PTPRT: variants seen among roughly 807,000 people sequenced by gnomAD.
PTPRT encodes receptor-type tyrosine-protein phosphatase T.
A neutral mutation model predicts 176.8 loss-of-function variants in PTPRT; 56 were observed. The observed-to-expected ratio is 0.32, with a 90% CI of 0.26 to 0.40. The LOEUF is 0.40. PTPRT is among the 10% of genes least tolerant of loss of function. The probability of loss-of-function intolerance (pLI) is 1.00; values close to 1 mark genes in which losing one functional copy is unlikely to be tolerated. For synonymous variants in PTPRT, 783 were observed against 739.0 expected (o/e 1.06, Z -0.96); for missense variants, 1,540 against 1,908.2 (o/e 0.81, Z 3.60).
chr20:42,894,790 C>T (rs2079264596), intron 1 of PTPRT, among the ~76,000 whole-genome samples: 1 of 152,212 alleles, frequency 6.6e-6, no homozygotes, highest in Non-Finnish European at 1.5e-5. Context: ...CCAATCTGCA[C>T]TTCTGGAGGA....
At chr20:42,609,699 G>A (rs34148893) in intron 7 of PTPRT, among the ~76,000 whole-genome samples, 3,909 of 152,250 alleles carry the variant, frequency 0.026, 65 homozygotes, top group Non-Finnish European at 0.039. Flanking sequence ...TCTTCCTCTA[G>A]GAGAAGGGCA....
chr20:42,510,069 T>C (rs1188335175), intron 7 of PTPRT, among the ~76,000 whole-genome samples: 1 of 152,118 alleles, frequency 6.6e-6, no homozygotes, highest in African/African-American at 2.4e-5. Context: ...ATACATGGCA[T>C]AGTGCTGGGC....
chr20:42,771,399 C>A, intron 5 of PTPRT, 36 bp downstream of exon 5: 1 of 1,551,106 alleles, frequency 6.4e-7, no homozygotes, highest in Non-Finnish European at 8.9e-7. Context: ...CTTTCTCATC[C>A]TAACGAGTCT....
chr20:42,301,874 G>T (rs962293881), intron 12 of PTPRT, among the ~76,000 whole-genome samples: 5 of 152,136 alleles, frequency 3.3e-5, no homozygotes, highest in Non-Finnish European at 7.4e-5. Context: ...TTTGACGATG[G>T]GTTGATGATC....
intron 9 of PTPRT, among the ~76,000 whole-genome samples, chr20:42,394,030 G>A (rs1274480019): frequency 6.7e-6 from 1 of 149,624 alleles, no homozygotes; most frequent in Non-Finnish European, 1.5e-5. Context: ...AGTCTATGAA[G>A]ATGTGACAGG....
intron 25 of PTPRT, among the ~76,000 whole-genome samples, chr20:42,103,134 C>T (rs1986108214): frequency 6.6e-6 from 1 of 152,206 alleles, no homozygotes; most frequent in Admixed American, 6.5e-5. Context: ...TCCTGTTGCC[C>T]AGGTGTAATT....
intron 1 of PTPRT, among the ~76,000 whole-genome samples, chr20:42,898,819 G>T (rs938426891): frequency 6.6e-6 from 1 of 152,094 alleles, no homozygotes; most frequent in Non-Finnish European, 1.5e-5. Context: ...AAAGAAGGAG[G>T]CCCTCTGTTG....
intron 6 of PTPRT, among the ~76,000 whole-genome samples, chr20:42,703,970 C>T (rs886837282): frequency 1.3e-5 from 2 of 152,276 alleles, no homozygotes; most frequent in Admixed American, 1.3e-4. Context: ...CAATCTTACA[C>T]AACACCAAGA....
intron 25 of PTPRT, 74 bp downstream of exon 25, chr20:42,104,495 A>C (rs912184394): frequency 6.8e-7 from 1 of 1,464,444 alleles, no homozygotes; most frequent in African/African-American, 1.4e-5. Flanking sequence ...CATTTAAACC[A>C]CCCAATCTAT....
At chr20:42,142,482 G>A (rs1988674461) in intron 17 of PTPRT, among the ~76,000 whole-genome samples, 1 of 152,208 alleles carries the variant, frequency 6.6e-6, no homozygotes, top group Non-Finnish European at 1.5e-5. Flanking sequence ...GGATAGTGAT[G>A]AGGAATGAGA....
intron 1 of PTPRT, among the ~76,000 whole-genome samples, chr20:43,040,956 T>G (rs1056356207): frequency 6.6e-6 from 1 of 152,174 alleles, no homozygotes; most frequent in Non-Finnish European, 1.5e-5. Context: ...TTTCCCAAAT[T>G]GTGGCACCCC....
chr20:42,970,143 TC>T (rs1344437978), intron 1 of PTPRT, among the ~76,000 whole-genome samples: 1 of 152,184 alleles, frequency 6.6e-6, no homozygotes, highest in East Asian at 1.9e-4. Context: ...AGCAGTTCAG[TC>T]CCTGTTTGTT....
chr20:42,161,264 A>T, intron 17 of PTPRT, 88 bp downstream of exon 17: 1 of 1,482,378 alleles, frequency 6.7e-7, no homozygotes, highest in Non-Finnish European at 9.4e-7. Flanking sequence ...GCTGCTGGCC[A>T]GGGAGCCATA....
At chr20:42,446,665 G>A (rs2070739439) in intron 9 of PTPRT, among the ~76,000 whole-genome samples, 1 of 147,388 alleles carries the variant, frequency 6.8e-6, no homozygotes, top group Admixed American at 6.8e-5. Context: ...CAAAGAACAT[G>A]TAGATTTGAA....
At chr20:42,949,121 G>A (rs187606229) in intron 1 of PTPRT, among the ~76,000 whole-genome samples, 89 of 152,220 alleles carry the variant, frequency 5.8e-4, no homozygotes, top group African/African-American at 2.0e-3. Flanking sequence ...ATGCTTCAAC[G>A]GGGAAACTTA....
chr20:42,511,733 A>ATT (rs112820178), intron 7 of PTPRT, among the ~76,000 whole-genome samples: 11 of 144,830 alleles, frequency 7.6e-5, no homozygotes, highest in African/African-American at 2.5e-4. Flanking sequence ...TAAACACCCT[A>ATT]TTTTTTTTTT....
At chr20:42,045,872 A>G in the PTPRT span, among the ~76,000 whole-genome samples, 1 of 152,236 alleles carries the variant, frequency 6.6e-6, no homozygotes, top group African/African-American at 2.4e-5. Flanking sequence ...AGTTGAATCC[A>G]GAAACATAAT....
At chr20:43,079,942 C>T (rs1369027666) in intron 1 of PTPRT, among the ~76,000 whole-genome samples, 1 of 152,158 alleles carries the variant, frequency 6.6e-6, no homozygotes, top group Non-Finnish European at 1.5e-5. Context: ...GAAAATGCTT[C>T]TAAAATTTAT....
chr20:42,727,831 T>C (rs1358859211), intron 6 of PTPRT, among the ~76,000 whole-genome samples: 1 of 152,198 alleles, frequency 6.6e-6, no homozygotes, highest in Non-Finnish European at 1.5e-5. Flanking sequence ...CCAACGTTCT[T>C]AGCTTGGTCA....
Sources: allele counts gnomAD v4.1 joint callset (sites outside exome capture counted in the v4.1 genomes callset), GRCh38; gene constraint gnomAD v4.1.1; transcripts MANE v1.5; gene names NCBI Gene and HGNC (gene_info 2026-07-23, HGNC 2026-07-21).